EXOC6B: variants seen among roughly 807,000 people sequenced by gnomAD.
EXOC6B encodes the protein SEC15 homolog B.
Under a neutral mutation model 113.5 loss-of-function variants are expected in EXOC6B, and 54 were observed. The ratio of observed to expected loss-of-function variants is 0.48; its 90% CI spans 0.38 to 0.60. The LOEUF is 0.60. Among genes scored for constraint, EXOC6B ranks in the 20% least tolerant of loss-of-function variants. EXOC6B has a pLI of 0.00. For missense variants in EXOC6B, 797 were observed against 977.5 expected (o/e 0.82, Z 2.46); for synonymous variants, 357 against 339.0 (o/e 1.05, Z -0.58).
intron 18 of EXOC6B, among the ~76,000 whole-genome samples, chr2:72,455,503 C>A (rs1697172820): frequency 6.6e-6 from 1 of 152,048 alleles, no homozygotes; most frequent in Non-Finnish European, 1.5e-5. Flanking sequence ...CTTAGTGCTT[C>A]TCATATAGAG....
At chr2:72,506,883 A>AT (rs920868132) in intron 11 of EXOC6B, among the ~76,000 whole-genome samples, 23 of 152,242 alleles carry the variant, frequency 1.5e-4, no homozygotes, top group African/African-American at 5.1e-4. Context: ...CAGTATTATC[A>AT]TATTATCATT....
At chr2:72,774,187 G>A (rs1272574115) in intron 1 of EXOC6B, among the ~76,000 whole-genome samples, 2 of 152,108 alleles carry the variant, frequency 1.3e-5, no homozygotes, top group African/African-American at 4.8e-5. Context: ...AGTCTTACAA[G>A]AAATGTTTGT....
chr2:72,464,223 T>G (rs1400727343), intron 18 of EXOC6B: 1 of 152,184 alleles, frequency 6.6e-6, no homozygotes, highest in African/African-American at 2.4e-5. Context: ...TTGCTGATAC[T>G]GGGTACTGCT....
chr2:72,388,535 C>T (rs1191642669), intron 18 of EXOC6B, among the ~76,000 whole-genome samples: 1 of 152,002 alleles, frequency 6.6e-6, no homozygotes, highest in Non-Finnish European at 1.5e-5. Flanking sequence ...GGTGTAATAT[C>T]CTATAAATAG....
intron 6 of EXOC6B, among the ~76,000 whole-genome samples, chr2:72,658,071 TA>T (rs962040126): frequency 4.6e-5 from 7 of 150,744 alleles, no homozygotes; most frequent in Admixed American, 1.3e-4. Flanking sequence ...GAGAACAGGT[TA>T]ATATCCAGTC....
intron 20 of EXOC6B, among the ~76,000 whole-genome samples, chr2:72,297,306 A>G (rs1276811869): frequency 6.6e-6 from 1 of 152,086 alleles, no homozygotes; most frequent in Non-Finnish European, 1.5e-5. Context: ...CTCAGGTACT[A>G]AGCCCAAAAC....
chr2:72,369,641 A>G (rs2105019975), intron 19 of EXOC6B, among the ~76,000 whole-genome samples: 1 of 152,342 alleles, frequency 6.6e-6, no homozygotes, highest in African/African-American at 2.4e-5. Context: ...CCAAAACAGC[A>G]TGGTACTGGT....
Position 72,379,807 on chromosome 2 carries a change from G to A in EXOC6B, c.2044C>T (p.Leu682Phe), listed in dbSNP as rs761090615. 33 of 1,613,080 alleles carry A rather than the reference G, an allele frequency of 2.0e-5. No individual in the cohort carries two copies. The African/African-American group carries it at 3.3e-4, about 16-fold the overall frequency. The change falls in exon 19 of 22, where the codon CTT becomes TTT. Residue 682 changes from leucine to phenylalanine, a missense_variant. Transcript: ENST00000272427. ...CKHLATSLMQLLLEAEVRQLT... is the reference protein window; with the variant it reads ...CKHLATSLMQFLLEAEVRQLT... ...TGCCGCACTTCAGCTTCCAACAAAA[G>A]TTGCATCAAGGATGTGGCTAAATGC...
At chr2:72,432,468 A>T (rs1220716783) in intron 18 of EXOC6B, among the ~76,000 whole-genome samples, 2 of 152,140 alleles carry the variant, frequency 1.3e-5, no homozygotes, top group Non-Finnish European at 2.9e-5. Context: ...GTCAAATGGT[A>T]TTTCTAGTTC....
chr2:72,285,361 T>C (rs1251863376), intron 20 of EXOC6B, among the ~76,000 whole-genome samples: 1 of 152,144 alleles, frequency 6.6e-6, no homozygotes, highest in East Asian at 1.9e-4. Flanking sequence ...AGACCTCTGA[T>C]GAGCAAAGGC....
intron 20 of EXOC6B, among the ~76,000 whole-genome samples, chr2:72,275,188 G>A (rs1684740031): frequency 6.6e-6 from 1 of 152,146 alleles, no homozygotes; most frequent in African/African-American, 2.4e-5. Context: ...TAATGGACAA[G>A]ATAGAGTTAA....
chr2:72,774,374 T>A (rs1182362032), intron 1 of EXOC6B, among the ~76,000 whole-genome samples: 1 of 152,060 alleles, frequency 6.6e-6, no homozygotes, highest in African/African-American at 2.4e-5. Flanking sequence ...TCACTATCCA[T>A]CAGAATGGGT....
At chr2:72,537,313 C>T (rs1702350229) in intron 8 of EXOC6B, among the ~76,000 whole-genome samples, 1 of 152,036 alleles carries the variant, frequency 6.6e-6, no homozygotes, top group Non-Finnish European at 1.5e-5. Context: ...CAGTTAAAAA[C>T]ACAAAACAGG....
intron 16 of EXOC6B, among the ~76,000 whole-genome samples, chr2:72,491,731 G>C (rs1699755612): frequency 6.6e-6 from 1 of 151,958 alleles, no homozygotes; most frequent in African/African-American, 2.4e-5. Context: ...CTTTTTATGA[G>C]ATTCCATAAA....
At chr2:72,359,074 G>A (rs772188707) in intron 19 of EXOC6B, among the ~76,000 whole-genome samples, 1 of 152,144 alleles carries the variant, frequency 6.6e-6, no homozygotes, top group Non-Finnish European at 1.5e-5. Flanking sequence ...TAACTAATCT[G>A]CTGTTTACCT....
chr2:72,197,797 T>C (rs1439251871), intron 20 of EXOC6B, among the ~76,000 whole-genome samples: 3 of 152,076 alleles, frequency 2.0e-5, no homozygotes, highest in Non-Finnish European at 2.9e-5. Context: ...GCACACAATA[T>C]AAATGAATGA....
intron 19 of EXOC6B, among the ~76,000 whole-genome samples, chr2:72,336,898 T>G (rs1013011631): frequency 2.0e-5 from 3 of 151,822 alleles, no homozygotes; most frequent in African/African-American, 7.3e-5. Context: ...TCTGAGCTAC[T>G]TGGGAGGCTG....
At chr2:72,179,715 C>T (rs1197720499) in intron 21 of EXOC6B, among the ~76,000 whole-genome samples, 1 of 152,040 alleles carries the variant, frequency 6.6e-6, no homozygotes, top group African/African-American at 2.4e-5. Flanking sequence ...ATCTCCCTAC[C>T]CCTTATACCT....
At chr2:72,399,009 G>GAAA (rs576686166) in intron 18 of EXOC6B, among the ~76,000 whole-genome samples, 2 of 122,664 alleles carry the variant, frequency 1.6e-5, no homozygotes, top group African/African-American at 2.7e-5. Flanking sequence ...CAGTGAAAAA[G>GAAA]AAAAAAAAAA....
Sources: gnomAD v4.1 joint callset for allele counts (sites outside exome capture counted in the v4.1 genomes callset) on GRCh38, gnomAD v4.1.1 for gene constraint, MANE v1.5 for transcripts, NCBI Gene and HGNC (gene_info 2026-07-23, HGNC 2026-07-21) for gene names.